The following MAPK8IP3 variants were observed in gnomAD, a reference collection of about 807,000 sequenced individuals.
MAPK8IP3 encodes mitogen-activated protein kinase 8 interacting protein 3.
In MAPK8IP3, 49 loss-of-function variants were observed where a neutral mutation model predicts 157.8. The observed-to-expected ratio is 0.31, with a 90% CI of 0.25 to 0.39. The LOEUF is 0.39. Among genes scored for constraint, MAPK8IP3 ranks in the 10% least tolerant of loss-of-function variants. The pLI is 1.00. For missense variants in MAPK8IP3, 1,478 were observed against 1,889.4 expected (o/e 0.78, Z 4.04); for synonymous variants, 897 against 777.7 (o/e 1.15, Z -2.55).
chr16:1,768,846 G>T lies in MAPK8IP3; in HGVS notation c.*22G>T, dbSNP rs367558939. 76 of 1,610,162 alleles carry T rather than the reference G, an allele frequency of 4.7e-5. No individual in the cohort carries two copies. The East Asian group carries it at 5.4e-4, about 11-fold the overall frequency. ...GTGAAGCTGCTGCCCTGCCTGGCCC[G>T]ACCTGTACATAGGACCCCCGACCAC... On this transcript the variant is annotated 3_prime_UTR_variant, in exon 32 of 32. Transcript: ENST00000610761.
intron 4 of MAPK8IP3, among the ~76,000 whole-genome samples, chr16:1,738,455 T>C (rs1457294805): frequency 2.0e-5 from 2 of 99,376 alleles, no homozygotes; most frequent in Non-Finnish European, 3.9e-5. Context: ...CATGTGAGCA[T>C]GTGTGACCGT....
intron 4 of MAPK8IP3, among the ~76,000 whole-genome samples, chr16:1,736,650 C>A (rs1447059565): frequency 1.7e-5 from 1 of 57,766 alleles, no homozygotes; most frequent in Non-Finnish European, 3.2e-5. Context: ...GTGTGACCGT[C>A]CGTGTGAGCG....
At position 1,724,829 on chromosome 16, in the gene MAPK8IP3, G is replaced by T; in HGVS notation, c.439+152G>T. 9.6e-7 allele frequency: 1 copy of T among 1,038,194 alleles called. No individual in the cohort carries two copies. The highest frequency in any genetic ancestry group is 1.4e-6 in the Non-Finnish European group (1 of 737,456). 64.3% of individuals were successfully genotyped at this position (1,038,194 alleles called of 1,614,324 possible). On this transcript the variant is annotated intron_variant, in intron 2 of 31. Coordinates refer to ENST00000610761, the MANE Select transcript of MAPK8IP3 (RefSeq NM_001318852.2). The surrounding 1 kb of genome is among the most constrained non-coding windows in gnomAD (Gnocchi z 4.1). ...ATGTATTCCAGCTCTTTGTACTGCT[G>T]CCTGTTTCTGTAATGGGCCCCAGAT...
chr16:1,764,966 G>A, intron 19 of MAPK8IP3, 47 bp from the exon 20 acceptor site: 1 of 1,569,218 alleles, frequency 6.4e-7, no homozygotes. Context: ...CTGCCACCGG[G>A]TAGCCTCAAG....
intron 8 of MAPK8IP3, among the ~76,000 whole-genome samples, chr16:1,757,221 C>T (rs1346947332): frequency 6.6e-6 from 1 of 152,128 alleles, no homozygotes; most frequent in Non-Finnish European, 1.5e-5. Flanking sequence ...TCTCCTGCCT[C>T]AGCCGCCCGA....
intron 14 of MAPK8IP3, 58 bp downstream of exon 14, chr16:1,762,539 C>G (rs565856237): frequency 6.3e-7 from 1 of 1,599,386 alleles, no homozygotes; most frequent in Non-Finnish European, 8.5e-7. Flanking sequence ...GGCAGGACTG[C>G]GGCTCCCTCC....
intron 4 of MAPK8IP3, among the ~76,000 whole-genome samples, chr16:1,739,209 T>G (rs2040408340): frequency 7.6e-6 from 1 of 132,280 alleles, no homozygotes; most frequent in Admixed American, 8.0e-5. Flanking sequence ...CGTGTGAGCG[T>G]CCGTGTGAGC....
intron 9 of MAPK8IP3, 26 bp downstream of exon 9, chr16:1,758,185 C>A: frequency 6.2e-7 from 1 of 1,613,296 alleles, no homozygotes; most frequent in Middle Eastern, 1.7e-4. Flanking sequence ...TCCTGTCTGT[C>A]TCCCCTCTGT....
At chr16:1,733,580 G>T (rs1174820232) in intron 4 of MAPK8IP3, among the ~76,000 whole-genome samples, 5 of 152,236 alleles carry the variant, frequency 3.3e-5, no homozygotes, top group African/African-American at 4.8e-5. Context: ...TGCTGTCGAG[G>T]TGTCCCCGCG....
At chr16:1,731,342 G>A (rs1196422774) in intron 4 of MAPK8IP3, among the ~76,000 whole-genome samples, 1 of 152,144 alleles carries the variant, frequency 6.6e-6, no homozygotes, top group East Asian at 1.9e-4. Flanking sequence ...AAGAAAGAAA[G>A]GGAATCAGTA....
rs150710224 is a variant in MAPK8IP3, at chr16:1,744,367, C to T, written c.747+891C>T. ...GCTTACTTCCTGCTGCATGCTTTGC[C>T]GACTGTCCTTCCACCTCTAAGTGTC... On this transcript the variant is annotated intron_variant, in intron 5 of 31. Coordinates refer to ENST00000610761, the MANE Select transcript of MAPK8IP3 (RefSeq NM_001318852.2). 538 of 986,022 alleles carry T rather than the reference C, an allele frequency of 5.5e-4. 1 individual carries two copies. The highest frequency in any genetic ancestry group is 2.4e-3 in the Admixed American group (39 of 16,296). 61.1% of individuals were successfully genotyped at this position (986,022 alleles called of 1,614,324 possible).
intron 8 of MAPK8IP3, among the ~76,000 whole-genome samples, chr16:1,756,491 A>G (rs1424857751): frequency 4.0e-5 from 6 of 151,696 alleles, no homozygotes; most frequent in Non-Finnish European, 7.4e-5. Context: ...CATCTAAAAA[A>G]AGCAACCGGG....
At chr16:1,760,185 C>T (rs1422051487) in intron 11 of MAPK8IP3, 170 bp downstream of exon 11, 15 of 956,968 alleles carry the variant, frequency 1.6e-5, no homozygotes, top group African/African-American at 3.3e-5. Context: ...GGTTTCTTTA[C>T]GAAGCTTGTC....
chr16:1,768,643 G>T lies in MAPK8IP3; in HGVS notation c.3892+17G>T. ...TCCGCATTGGTGAGCGGGGCCCAGG[G>T]ACAGGGCTGAGGTTGGGCGCGGGGG... On this transcript the variant is annotated intron_variant, in intron 31 of 31. Coordinates refer to ENST00000610761, the MANE Select transcript of MAPK8IP3 (RefSeq NM_001318852.2). The T allele has an allele frequency of 6.2e-7, 1 of 1,609,848 alleles. No individual in the cohort carries two copies. Among genetic ancestry groups the T allele is most frequent in the South Asian group, 1.1e-5 (1 of 90,824 alleles).
At chr16:1,748,544 A>G in intron 7 of MAPK8IP3, 58 bp from the exon 8 acceptor site, 2 of 1,415,510 alleles carry the variant, frequency 1.4e-6, no homozygotes, top group East Asian at 2.3e-5. Context: ...CTGCAGACGC[A>G]GCCACTCCGG....
rs144766682 is a variant in MAPK8IP3 at position 1,760,966 on chromosome 16, C to T, written c.1458-258C>T. Among the ~76,000 whole-genome samples the T allele has an allele frequency of 7.9e-5, 12 of 152,328 alleles. No homozygotes were observed. The East Asian group carries it at 1.4e-3, about 17-fold the overall frequency. On this transcript the variant is annotated intron_variant, in intron 12 of 31. Transcript: ENST00000610761. ...GGGCCCCTCTGCTTTGCTCCCCCTC[C>T]GCATTCCCGGGCAGCCAGGATGGAC...
At position 1,747,261 on chromosome 16, in the gene MAPK8IP3, G is replaced by A. The variant is rs377251085; in HGVS notation, c.980G>A (p.Arg327His). ...NMEVQVTQEM[R>H]NVSIGMGSSD... The stretch of plus-strand genomic sequence containing the variant: ...GAAGTACAGGTCACCCAGGAGATGC[G>A]CAACGTCAGTATAGGTGGGTGCCCA... The change falls in exon 6 of 32, where the codon CGC (arginine) becomes CAC (histidine). Residue 327 changes from arginine to histidine, a missense_variant. Arg to His is a conservative substitution (Grantham distance 29). Coordinates refer to ENST00000610761, the MANE Select transcript of MAPK8IP3 (RefSeq NM_001318852.2). The A allele has an allele frequency of 6.8e-6, 11 of 1,613,400 alleles. No homozygotes were observed. Among genetic ancestry groups the A allele is most frequent in the East Asian group, 2.2e-5 (1 of 44,896 alleles).
intron 8 of MAPK8IP3, among the ~76,000 whole-genome samples, chr16:1,753,602 G>A (rs571713394): frequency 1.3e-4 from 19 of 151,692 alleles, no homozygotes; most frequent in Middle Eastern, 3.4e-3. Flanking sequence ...CACCATGCCC[G>A]GCTAATTTTT....
rs372559150 is a variant in MAPK8IP3, at chr16:1,764,464, G to C, written c.2280+5G>C. The C allele has an allele frequency of 2.5e-6, 4 of 1,607,472 alleles. No homozygotes were observed. The African/African-American group carries it at 5.3e-5, about 21-fold the overall frequency. On this transcript the variant is annotated splice_donor_5th_base_variant and intron_variant, in intron 19 of 31. Transcript: ENST00000610761. ...ACGTCTCCCGAGAAGAAGAAGGTGA[G>C]CATGGCCGAGGCCACCGGGCACCCT...
Sources: gnomAD v4.1 joint callset for allele counts (sites outside exome capture counted in the v4.1 genomes callset) on GRCh38, gnomAD v4.1.1 for gene constraint, Gnocchi (gnomAD v3.1) non-coding constraint, MANE v1.5 for transcripts, NCBI Gene and HGNC (gene_info 2026-07-23, HGNC 2026-07-21) for gene names.